TLN2: variants seen among roughly 807,000 people sequenced by gnomAD.
TLN2 encodes talin-2.
TLN2 carries 118 observed loss-of-function variants against 294.7 expected under a neutral mutation model. That is an observed-to-expected ratio of 0.40 (90% CI 0.34 to 0.47). The LOEUF is 0.47. Among genes scored for constraint, TLN2 ranks in the 20% least tolerant of loss-of-function variants. The pLI is 0.84. For synonymous variants in TLN2, 1,431 were observed against 1,304.5 expected, an observed-to-expected ratio of 1.10 and a Z score of -2.09; for missense variants, 3,083 against 3,282.2, an observed-to-expected ratio of 0.94 and a Z score of 1.48.
chr15:62,717,732 C>A lies in TLN2; in HGVS notation c.2877+43C>A, dbSNP rs149426229. 1.6e-3 allele frequency: 2,204 copies of A among 1,404,808 alleles called. 5 individuals carry two copies. The highest frequency in any genetic ancestry group is 1.9e-3 in the Non-Finnish European group (1,955 of 1,048,216). 87.0% of individuals were successfully genotyped at this position (1,404,808 alleles called of 1,614,324 possible). Reference sequence around the variant, plus strand: ...AGAGAGCCAGGTCAGCTGCAGATGACCCTGATAACATTAGAACACCAAGTC... The same window carrying A: ...AGAGAGCCAGGTCAGCTGCAGATGAACCTGATAACATTAGAACACCAAGTC... On this transcript the variant is annotated intron_variant, in intron 24 of 58. Coordinates refer to ENST00000636159, the MANE Select transcript of TLN2 (RefSeq NM_015059.3).
chr15:62,702,832 A>G lies in TLN2; in HGVS notation c.1972A>G (p.Ile658Val). 1 of 1,614,204 alleles carries G rather than the reference A, an allele frequency of 6.2e-7. No homozygotes were observed. Residue 658 changes from isoleucine (I) to valine (V), a missense_variant, in exon 19 of 59, where the codon ATT (isoleucine) becomes GTT (valine). Physicochemically the swap from Ile to Val is conservative, Grantham distance 29. Coordinates refer to ENST00000636159, the MANE Select transcript of TLN2 (RefSeq NM_015059.3). The stretch of plus-strand genomic sequence containing the variant: ...AGCCAGTGGGGATCTTCTGAGACAG[A>G]TTGGAGAGAATGAGACTGATGAGCG... The part of the protein sequence containing the change: ...GQASGDLLRQ[I>V]GENETDERFQ...
chr15:62,525,443 C>A (rs1389060548), intron 1 of TLN2, among the ~76,000 whole-genome samples: 1 of 152,218 alleles, frequency 6.6e-6, no homozygotes, highest in Admixed American at 6.5e-5. Flanking sequence ...TAAATGGGGT[C>A]ATTCACTCCT....
intron 1 of TLN2, among the ~76,000 whole-genome samples, chr15:62,475,494 C>T (rs1006783210): frequency 3.3e-5 from 5 of 152,088 alleles, no homozygotes; most frequent in Admixed American, 1.3e-4. Context: ...AATTAATAAC[C>T]CACCAACCTT....
intron 51 of TLN2, among the ~76,000 whole-genome samples, chr15:62,808,056 C>A (rs575921886): frequency 6.6e-6 from 1 of 152,118 alleles, no homozygotes; most frequent in Non-Finnish European, 1.5e-5. Context: ...TCGCCCTAGT[C>A]CAGCTCTGCC....
intron 3 of TLN2, chr15:62,644,703 C>A: frequency 2.5e-6 from 1 of 405,212 alleles, no homozygotes; most frequent in South Asian, 1.8e-5. Context: ...TCTGCTGCCC[C>A]TTTTGGTGCT....
chr15:62,577,924 A>G (rs1451584147), intron 1 of TLN2, among the ~76,000 whole-genome samples: 1 of 152,044 alleles, frequency 6.6e-6, no homozygotes, highest in Non-Finnish European at 1.5e-5. Context: ...ACTCCCACCT[A>G]TGAGTGAGAA....
chr15:62,806,914 CTT>C (rs1008440574), intron 51 of TLN2, among the ~76,000 whole-genome samples: 3 of 152,024 alleles, frequency 2.0e-5, no homozygotes, highest in African/African-American at 7.3e-5. Context: ...AGATCCAACT[CTT>C]ATGGCTTCTT....
chr15:62,403,174 G>A lies in TLN2; in HGVS notation c.-238+12489G>A, dbSNP rs140874650. On this transcript the variant is annotated intron_variant, in intron 1 of 58. Coordinates refer to ENST00000636159, the MANE Select transcript of TLN2 (RefSeq NM_015059.3). ...AATTGCTTGAATCCAGGAGGCAGAGGTTGCAGTGAGCCGAGATCGTGTGAC... is the reference window on the plus strand; with the variant it reads ...AATTGCTTGAATCCAGGAGGCAGAGATTGCAGTGAGCCGAGATCGTGTGAC... Among the ~76,000 whole-genome samples, 618 of 151,384 alleles carry A rather than the reference G, an allele frequency of 4.1e-3. 4 individuals are homozygous for A. The highest frequency in any genetic ancestry group is 0.017 in the Middle Eastern group (5 of 294).
At chr15:62,652,162 C>A in intron 6 of TLN2, 28 bp downstream of exon 6, 1 of 1,481,966 alleles carries the variant, frequency 6.7e-7, no homozygotes, top group South Asian at 1.5e-5. Context: ...TTCATTATGT[C>A]TTTTTGCTTA....
intron 57 of TLN2, among the ~76,000 whole-genome samples, chr15:62,837,267 T>C (rs1248787497): frequency 6.6e-6 from 1 of 152,144 alleles, no homozygotes; most frequent in East Asian, 1.9e-4. Flanking sequence ...AGGGAAAAAT[T>C]GAGGAGCTGC....
intron 11 of TLN2, 77 bp from the exon 12 acceptor site, chr15:62,686,564 C>T: frequency 2.0e-6 from 3 of 1,509,206 alleles, no homozygotes; most frequent in Non-Finnish European, 2.7e-6. Flanking sequence ...GGTGAAAGGT[C>T]AAAAAATCAC....
At chr15:62,716,849 A>G (rs1027861549) in intron 23 of TLN2, among the ~76,000 whole-genome samples, 92 of 152,154 alleles carry the variant, frequency 6.0e-4, no homozygotes, top group African/African-American at 2.2e-3. Context: ...GCTTGGGTGG[A>G]TAGGTATAGA....
At chr15:62,491,525 A>C (rs1047861616) in intron 1 of TLN2, among the ~76,000 whole-genome samples, 1 of 152,124 alleles carries the variant, frequency 6.6e-6, no homozygotes, top group African/African-American at 2.4e-5. Flanking sequence ...AGCCCTTCCA[A>C]AGTGGGCAAT....
At chr15:62,748,487 G>A (rs753470041) in intron 33 of TLN2, 43 bp downstream of exon 33, 2 of 1,417,218 alleles carry the variant, frequency 1.4e-6, no homozygotes, top group Non-Finnish European at 2.0e-6. Context: ...GAGAGGGAGT[G>A]TCTGTGTCTG....
chr15:62,799,092 G>A (rs1168794250), intron 48 of TLN2, among the ~76,000 whole-genome samples: 1 of 152,184 alleles, frequency 6.6e-6, no homozygotes, highest in Admixed American at 6.5e-5. Flanking sequence ...GGGCTAGCAA[G>A]CTAATTTCAC....
chr15:62,631,420 A>G (rs1424793228), intron 3 of TLN2, among the ~76,000 whole-genome samples: 1 of 151,776 alleles, frequency 6.6e-6, no homozygotes, highest in Non-Finnish European at 1.5e-5. Context: ...CAGGTTTGAT[A>G]GTTTTCTTCC....
At chr15:62,631,594 ACTCT>A (rs766957549) in intron 3 of TLN2, among the ~76,000 whole-genome samples, 41 of 74,228 alleles carry the variant, frequency 5.5e-4, no homozygotes, top group Non-Finnish European at 8.2e-4. Flanking sequence ...CTCTTCTTTC[ACTCT>A]CTCTCTCTCC....
intron 3 of TLN2, among the ~76,000 whole-genome samples, chr15:62,633,818 AT>A (rs1463164569): frequency 6.6e-6 from 1 of 152,146 alleles, no homozygotes; most frequent in Admixed American, 6.5e-5. Flanking sequence ...AATAACAAAA[AT>A]TTATTGTCTC....
chr15:62,767,005 T>G (rs1337269903), intron 41 of TLN2, among the ~76,000 whole-genome samples: 1 of 152,194 alleles, frequency 6.6e-6, no homozygotes, highest in Admixed American at 6.5e-5. Flanking sequence ...TGCAAATTCT[T>G]CAAGGACGGT....
Sources: allele counts gnomAD v4.1 joint callset (sites outside exome capture counted in the v4.1 genomes callset), GRCh38; gene constraint gnomAD v4.1.1; transcripts MANE v1.5; gene names NCBI Gene and HGNC (gene_info 2026-07-23, HGNC 2026-07-21).